SPAG6: variants seen among roughly 807,000 people sequenced by gnomAD.
SPAG6 encodes the protein sperm associated antigen 6.
In SPAG6, 49 loss-of-function variants were observed where a neutral mutation model predicts 58.5. That is an observed-to-expected ratio of 0.84 (90% CI 0.67 to 1.06). SPAG6 has a LOEUF of 1.06. Among genes scored for constraint, SPAG6 ranks in the 50% least tolerant of loss-of-function variants. SPAG6 has a pLI of 0.00. For synonymous variants in SPAG6, 233 were observed against 225.6 expected, an observed-to-expected ratio of 1.03 and a Z score of -0.29; for missense variants, 560 against 611.3, an observed-to-expected ratio of 0.92 and a Z score of 0.89.
chr10:22,400,782 G>A (rs990713388), intron 8 of SPAG6, among the ~76,000 whole-genome samples: 3 of 151,826 alleles, frequency 2.0e-5, no homozygotes, highest in Non-Finnish European at 2.9e-5. Flanking sequence ...TTATTTTCTC[G>A]TATTTGTTGA....
chr10:22,405,173 G>A (rs1448034350), intron 9 of SPAG6, among the ~76,000 whole-genome samples: 1 of 152,056 alleles, frequency 6.6e-6, no homozygotes, highest in Non-Finnish European at 1.5e-5. Context: ...CCAACACAAT[G>A]TTGAATAGGA....
intron 2 of SPAG6, among the ~76,000 whole-genome samples, chr10:22,350,679 G>C (rs1836700856): frequency 1.3e-5 from 2 of 152,142 alleles, no homozygotes; most frequent in Admixed American, 6.5e-5. Flanking sequence ...TTATGGCTCT[G>C]TTTTGGTGTT....
chr10:22,382,300 A>G (rs1343283682), intron 4 of SPAG6, among the ~76,000 whole-genome samples: 3 of 152,196 alleles, frequency 2.0e-5, no homozygotes, highest in Non-Finnish European at 2.9e-5. Context: ...CTAAAAAACA[A>G]CTGATCATCA....
chr10:22,384,992 A>G (rs768694501), intron 4 of SPAG6, among the ~76,000 whole-genome samples: 1 of 152,154 alleles, frequency 6.6e-6, no homozygotes, highest in African/African-American at 2.4e-5. Flanking sequence ...ACTGGATATA[A>G]AAGTGAAAAT....
At chr10:22,380,900 AT>A (rs1173899359) in intron 4 of SPAG6, among the ~76,000 whole-genome samples, 1 of 151,842 alleles carries the variant, frequency 6.6e-6, no homozygotes, top group African/African-American at 2.4e-5. Context: ...CTGGATACAT[AT>A]TTTTTTCTTT....
intron 8 of SPAG6, among the ~76,000 whole-genome samples, chr10:22,396,878 C>A (rs1002972339): frequency 1.3e-5 from 2 of 152,082 alleles, no homozygotes; most frequent in Non-Finnish European, 2.9e-5. Context: ...ATAGATAGCC[C>A]AGGATTCCTT....
intron 8 of SPAG6, among the ~76,000 whole-genome samples, chr10:22,394,014 A>G (rs990402073): frequency 1.3e-5 from 2 of 152,174 alleles, no homozygotes; most frequent in African/African-American, 4.8e-5. Flanking sequence ...CGAATGAGCA[A>G]TCTTTTGGAA....
At chr10:22,362,924 A>G (rs1224049565) in intron 2 of SPAG6, among the ~76,000 whole-genome samples, 1 of 151,996 alleles carries the variant, frequency 6.6e-6, no homozygotes, top group Non-Finnish European at 1.5e-5. Flanking sequence ...GCAAATCAAA[A>G]TCACAATGAG....
At chr10:22,370,337 A>C (rs950726421) in intron 4 of SPAG6, among the ~76,000 whole-genome samples, 1 of 152,206 alleles carries the variant, frequency 6.6e-6, no homozygotes, top group Middle Eastern at 3.2e-3. Context: ...CTTCAGACAC[A>C]TTATCTCATT....
chr10:22,347,447 TTC>T (rs1478007770), intron 2 of SPAG6, among the ~76,000 whole-genome samples: 3 of 152,214 alleles, frequency 2.0e-5, no homozygotes, highest in African/African-American at 4.8e-5. Context: ...TTAAAGTTTT[TTC>T]TCTCAGTCCC....
chr10:22,378,292 G>T (rs571077760), intron 4 of SPAG6, among the ~76,000 whole-genome samples: 5 of 151,962 alleles, frequency 3.3e-5, no homozygotes, highest in Admixed American at 2.0e-4. Context: ...TTGAACTCCT[G>T]ACCTTAGGTG....
Position 22,364,585 on chromosome 10 carries a change from A to T in SPAG6, c.122-268A>T, listed in dbSNP as rs918119178. On this transcript the variant is annotated intron_variant, in intron 2 of 10. Coordinates refer to ENST00000376624, the MANE Select transcript of SPAG6 (RefSeq NM_012443.4). Reference sequence around the variant, plus strand: ...CTCATAATTAACCCTATCAGGTAATATAGACAGGACTTGCTGAATCAGGGA... The same window carrying T: ...CTCATAATTAACCCTATCAGGTAATTTAGACAGGACTTGCTGAATCAGGGA... 4.6e-5 allele frequency among the ~76,000 whole-genome samples: 7 copies of T among 152,334 alleles called. No individual in the cohort carries two copies. The South Asian group carries it at 1.4e-3, about 32-fold the overall frequency.
chr10:22,356,727 A>G (rs1836879141), intron 2 of SPAG6, among the ~76,000 whole-genome samples: 1 of 152,106 alleles, frequency 6.6e-6, no homozygotes, highest in Non-Finnish European at 1.5e-5. Context: ...TAGACCTTTC[A>G]CTTTCACCTT....
intron 10 of SPAG6, among the ~76,000 whole-genome samples, chr10:22,415,136 C>T (rs1834838069): frequency 6.6e-6 from 1 of 151,906 alleles, no homozygotes; most frequent in Admixed American, 6.6e-5. Context: ...TGGTGGCTCC[C>T]ATATTTAACA....
rs771304410 is a variant in SPAG6, at chr10:22,345,737, CAGA to C, written c.43_45del (p.Lys15del). On this transcript the variant is annotated inframe_deletion, in exon 2 of 11. Transcript: ENST00000376624. This position sits in a 1 kb window ranked among gnomAD's most constrained non-coding sequence, Gnocchi z 6.3. ...CTCTCCCGCAGTGTTCGAGCAATACCAGAAGGCCAGGACCCAGTTCGTGCAGAT... is the reference window on the plus strand; with the variant it reads ...CTCTCCCGCAGTGTTCGAGCAATACCAGGCCAGGACCCAGTTCGTGCAGAT... 1 of 1,613,032 alleles carries C rather than the reference CAGA, an allele frequency of 6.2e-7. No homozygotes were observed. The highest frequency in any genetic ancestry group is 1.1e-5 in the South Asian group (1 of 90,894).
At position 22,387,912 on chromosome 10, in the gene SPAG6, A is replaced by G. The variant is rs370334559; in HGVS notation, c.768A>G (p.Val256=). The change falls in exon 6 of 11, where the codon GTA becomes GTG. Residue 256 remains valine, a synonymous_variant. Coordinates refer to ENST00000376624, the MANE Select transcript of SPAG6 (RefSeq NM_012443.4). Reference sequence around the variant, plus strand: ...TTGAAGCAGAGATTTTTCCAGTTGTACTTACCTGTCTGAAGGACAAGGATG... The same window carrying G: ...TTGAAGCAGAGATTTTTCCAGTTGTGCTTACCTGTCTGAAGGACAAGGATG... The part of the protein sequence containing the change: ...MVVEAEIFPV[V]LTCLKDKDEY... 6.2e-7 allele frequency: 1 copy of G among 1,613,370 alleles called. No homozygotes were observed. Among genetic ancestry groups the G allele is most frequent in the South Asian group, 1.1e-5 (1 of 90,994 alleles).
At chr10:22,362,182 A>G (rs1302494615) in intron 2 of SPAG6, among the ~76,000 whole-genome samples, 1 of 146,266 alleles carries the variant, frequency 6.8e-6, no homozygotes, top group Non-Finnish European at 1.5e-5. Context: ...ATAAAAATAT[A>G]TTTATATTTA....
intron 4 of SPAG6, among the ~76,000 whole-genome samples, chr10:22,381,197 A>G (rs1221505914): frequency 1.3e-5 from 2 of 152,082 alleles, no homozygotes; most frequent in Non-Finnish European, 2.9e-5. Flanking sequence ...CATACCCAGA[A>G]AGCCCCCCAC....
intron 4 of SPAG6, among the ~76,000 whole-genome samples, chr10:22,368,941 A>C (rs1436295914): frequency 1.3e-5 from 2 of 152,062 alleles, no homozygotes; most frequent in African/African-American, 4.8e-5. Flanking sequence ...AGCGGGTGGG[A>C]GAGTAGGCTT....
Sources: allele counts gnomAD v4.1 joint callset (sites outside exome capture counted in the v4.1 genomes callset), GRCh38; gene constraint gnomAD v4.1.1; non-coding constraint Gnocchi (gnomAD v3.1); transcripts MANE v1.5; gene names NCBI Gene and HGNC (gene_info 2026-07-23, HGNC 2026-07-21).